MYDGF: variants seen among roughly 807,000 people sequenced by gnomAD.
The protein encoded by MYDGF is myeloid-derived growth factor.
Under a neutral mutation model 24.2 loss-of-function variants are expected in MYDGF, and 29 were observed. The observed-to-expected ratio is 1.20, with a 90% CI of 0.89 to 1.63. The LOEUF (loss-of-function observed/expected upper bound fraction) is 1.63. Ranked by LOEUF, MYDGF falls within the 40% of genes most tolerant of loss-of-function variation. MYDGF has a pLI of 0.00. For missense variants in MYDGF, 245 were observed against 234.8 expected, an observed-to-expected ratio of 1.04 and a Z score of -0.29; for synonymous variants, 105 against 102.5, an observed-to-expected ratio of 1.02 and a Z score of -0.15.
intron 1 of MYDGF, among the ~76,000 whole-genome samples, chr19:4,669,354 G>A (rs1477867752): frequency 6.6e-6 from 1 of 152,172 alleles, no homozygotes; most frequent in Admixed American, 6.5e-5. Context: ...GGGAGGCTGC[G>A]GCAGGAGAAT....
Position 4,664,944 on chromosome 19 carries a change from A to T in MYDGF, c.226-7T>A. The stretch of plus-strand genomic sequence containing the variant: ...CCAGACTCATCTGCCATTGCTGGGG[A>T]GAGAAGACAGCGCGGGTCAGCCCCG... On this transcript the variant is annotated splice_region_variant and splice_polypyrimidine_tract_variant and intron_variant, in intron 2 of 5. Transcript: ENST00000262947. 2 of 1,612,448 alleles carry T rather than the reference A, an allele frequency of 1.2e-6. No individual in the cohort carries two copies. Among genetic ancestry groups the T allele is most frequent in the South Asian group, 2.2e-5 (2 of 90,912 alleles).
Position 4,670,157 on chromosome 19 carries a change from G to C in MYDGF, c.174+4C>G. 6.6e-7 allele frequency: 1 copy of C among 1,517,094 alleles called. No homozygotes were observed. The highest frequency in any genetic ancestry group is 8.8e-7 in the Non-Finnish European group (1 of 1,131,162). The allele number at this position is 1,517,094 out of a possible 1,614,324, so 94.0% of individuals were successfully genotyped here. ...CAAATATCCGGGACGGCGGTGGCACGTACCCCCGGGCCCACGTTATGGGAG... is the reference window on the plus strand; with the variant it reads ...CAAATATCCGGGACGGCGGTGGCACCTACCCCCGGGCCCACGTTATGGGAG... On this transcript the variant is annotated splice_donor_region_variant and intron_variant, in intron 1 of 5. Coordinates refer to ENST00000262947, the MANE Select transcript of MYDGF (RefSeq NM_019107.4).
intron 3 of MYDGF, among the ~76,000 whole-genome samples, chr19:4,663,434 T>C (rs1222705054): frequency 5.6e-5 from 5 of 89,802 alleles, no homozygotes; most frequent in Admixed American, 1.2e-4. Flanking sequence ...ACCCACCCCA[T>C]CCTCATTCTA....
At position 4,657,919 on chromosome 19, in the gene MYDGF, C is replaced by A; in HGVS notation, c.*86G>T. The A allele has an allele frequency of 8.0e-7, 1 of 1,254,442 alleles. No homozygotes were observed. The highest frequency in any genetic ancestry group is 1.1e-6 in the Non-Finnish European group (1 of 906,936). 77.7% of individuals were successfully genotyped at this position (1,254,442 alleles called of 1,614,324 possible). A position where few individuals can be genotyped will look rare whatever the true frequency, so the allele number is the denominator to read the frequency against. ...AAACTTAAGAGTCCCTCCTAGAAAA[C>A]CAGTGATGTGCTGGCCCTTTCAGGG... On this transcript the variant is annotated 3_prime_UTR_variant, in exon 6 of 6. Coordinates refer to ENST00000262947, the MANE Select transcript of MYDGF (RefSeq NM_019107.4).
intron 2 of MYDGF, among the ~76,000 whole-genome samples, chr19:4,667,855 G>A (rs902381878): frequency 1.3e-5 from 2 of 152,020 alleles, no homozygotes; most frequent in Non-Finnish European, 1.5e-5. Flanking sequence ...ACGCCACCAC[G>A]CTGGGCTAAT....
chr19:4,660,467 G>A, intron 4 of MYDGF: 2 of 564,346 alleles, frequency 3.5e-6, no homozygotes, highest in Non-Finnish European at 3.1e-6. Context: ...GAAGCCAGCA[G>A]CAACAGGTTA....
chr19:4,666,695 A>T (rs2088524190), intron 2 of MYDGF, among the ~76,000 whole-genome samples: 1 of 152,248 alleles, frequency 6.6e-6, no homozygotes. Context: ...GGTTGGAAGT[A>T]ACCCTCAATC....
chr19:4,660,964 ATTTTTTT>A (rs10718244), intron 3 of MYDGF, among the ~76,000 whole-genome samples: 22 of 99,196 alleles, frequency 2.2e-4, no homozygotes, highest in South Asian at 7.0e-4. Context: ...TTGTGCCAGA[ATTTTTTT>A]TTTTTTTTTT....
At chr19:4,658,592 C>T (rs1270300572) in intron 5 of MYDGF, among the ~76,000 whole-genome samples, 2 of 152,132 alleles carry the variant, frequency 1.3e-5, no homozygotes, top group South Asian at 2.1e-4. Context: ...CCCACCCTTG[C>T]CCCAGCTCGG....
At chr19:4,668,817 G>C in intron 1 of MYDGF, 172 bp from the exon 2 acceptor site, 1 of 535,572 alleles carries the variant, frequency 1.9e-6, no homozygotes, top group South Asian at 2.0e-5. Flanking sequence ...AAGTAACTGA[G>C]ACAATAGGTA....
chr19:4,663,903 G>A (rs2088500732), intron 3 of MYDGF, among the ~76,000 whole-genome samples: 1 of 150,434 alleles, frequency 6.6e-6, no homozygotes, highest in Non-Finnish European at 1.5e-5. Context: ...GTGCCTGGAG[G>A]GGCTCCCTGC....
intron 1 of MYDGF, among the ~76,000 whole-genome samples, chr19:4,669,792 A>C (rs1264169485): frequency 6.6e-6 from 1 of 152,060 alleles, no homozygotes; most frequent in African/African-American, 2.4e-5. Context: ...GATTTCCTTC[A>C]GGCCCAGGAG....
chr19:4,666,495 C>CA (rs2088522500), intron 2 of MYDGF, among the ~76,000 whole-genome samples: 1 of 152,016 alleles, frequency 6.6e-6, no homozygotes, highest in African/African-American at 2.4e-5. Flanking sequence ...AGGCTGGTCT[C>CA]AAACTCCCAA....
At chr19:4,663,807 T>C (rs142085406) in intron 3 of MYDGF, among the ~76,000 whole-genome samples, 11 of 54,974 alleles carry the variant, frequency 2.0e-4, no homozygotes, top group South Asian at 7.3e-4. Flanking sequence ...CAGCCTCCAA[T>C]CTGTGCCCTC....
intron 2 of MYDGF, among the ~76,000 whole-genome samples, chr19:4,667,646 G>A (rs2088531749): frequency 6.6e-6 from 1 of 152,048 alleles, no homozygotes; most frequent in African/African-American, 2.4e-5. Context: ...CTTGGTCCCT[G>A]AACCACAAGT....
chr19:4,670,074 C>G, intron 1 of MYDGF, 87 bp downstream of exon 1: 1 of 1,339,642 alleles, frequency 7.5e-7, no homozygotes, highest in South Asian at 1.8e-5. Flanking sequence ...CGGTCCGCGC[C>G]CCCTCCTCGG....
At chr19:4,663,153 C>T (rs1233277263) in intron 3 of MYDGF, among the ~76,000 whole-genome samples, 1 of 149,282 alleles carries the variant, frequency 6.7e-6, no homozygotes, top group East Asian at 2.0e-4. Flanking sequence ...TCTACCCTCC[C>T]CACCCGTCCT....
At chr19:4,662,578 C>T (rs1216317244) in intron 3 of MYDGF, among the ~76,000 whole-genome samples, 1 of 152,070 alleles carries the variant, frequency 6.6e-6, no homozygotes, top group Non-Finnish European at 1.5e-5. Flanking sequence ...GGGGCAGAAT[C>T]GGGCGGTGTC....
chr19:4,663,739 T>C (rs1412037479), intron 3 of MYDGF, among the ~76,000 whole-genome samples: 3 of 29,636 alleles, frequency 1.0e-4, no homozygotes, highest in African/African-American at 3.8e-4. Flanking sequence ...ACCCACCCCA[T>C]CCTCATTCTA....
Sources: gnomAD v4.1 joint callset for allele counts (sites outside exome capture counted in the v4.1 genomes callset) on GRCh38, gnomAD v4.1.1 for gene constraint, MANE v1.5 for transcripts, NCBI Gene and HGNC (gene_info 2026-07-23, HGNC 2026-07-21) for gene names.